The following TBC1D10B variants were observed in gnomAD, a reference collection of about 807,000 sequenced individuals.
TBC1D10B encodes Rab27A-GAPbeta.
TBC1D10B carries 25 observed loss-of-function variants against 78.4 expected under a neutral mutation model. The observed-to-expected ratio is 0.32, with a 90% CI of 0.23 to 0.45. TBC1D10B has a LOEUF of 0.45. Ranked by LOEUF, TBC1D10B falls within the 20% of genes least tolerant of loss-of-function variation. The pLI, the probability that TBC1D10B is intolerant of heterozygous loss-of-function variation, is 1.00. For synonymous variants in TBC1D10B, 517 were observed against 478.0 expected (o/e 1.08, Z -1.06); for missense variants, 996 against 1,104.8 (o/e 0.90, Z 1.40).
rs1300867082 is a variant in TBC1D10B at position 30,357,909 on chromosome 16, G to C, written c.*35C>G. On this transcript the variant is annotated 3_prime_UTR_variant, in exon 9 of 9. Coordinates refer to ENST00000409939, the MANE Select transcript of TBC1D10B (RefSeq NM_015527.4). Reference sequence around the variant, plus strand: ...CAGGCCTGTTCTTGGCTGAGGGAAAGAGGGGGGCCATGCAGTCCAGCCCCA... The same window carrying C: ...CAGGCCTGTTCTTGGCTGAGGGAAACAGGGGGGCCATGCAGTCCAGCCCCA... The C allele has an allele frequency of 6.5e-7, 1 of 1,531,356 alleles. No homozygotes were observed. The highest frequency in any genetic ancestry group is 8.8e-7 in the Non-Finnish European group (1 of 1,137,026). 94.9% of individuals were successfully genotyped at this position (1,531,356 alleles called of 1,614,324 possible). A position where few individuals can be genotyped will look rare whatever the true frequency, so the allele number is the denominator to read the frequency against.
In TBC1D10B at chr16:30,365,893, C is replaced by T. The variant is rs537608407; in HGVS notation, c.957-299G>A. 400 of 353,950 alleles carry T rather than the reference C, an allele frequency of 1.1e-3. 1 individual carries two copies. Among genetic ancestry groups the T allele is most frequent in the Admixed American group, 2.4e-3 (60 of 25,382 alleles). 21.9% of individuals were successfully genotyped at this position (353,950 alleles called of 1,614,324 possible). ...TTTGCATTAGATCTGGATCCACGTC[C>T]TAGCTTTACCATTTATTCATTGTGT... On this transcript the variant is annotated intron_variant, in intron 1 of 8. Coordinates refer to ENST00000409939, the MANE Select transcript of TBC1D10B (RefSeq NM_015527.4). The surrounding 1 kb of genome is among the most constrained non-coding windows in gnomAD (Gnocchi z 5.0).
Position 30,358,791 on chromosome 16 carries a change from G to A in TBC1D10B, c.1669C>T (p.Leu557=), listed in dbSNP as rs2049578578. The change falls in exon 8 of 9, where the codon CTG becomes TTG. Residue 557 remains leucine (L), a synonymous_variant. Coordinates refer to ENST00000409939, the MANE Select transcript of TBC1D10B (RefSeq NM_015527.4). ...EGVKIIFRVA[L]VLLRHTLGSV... is the part of the protein sequence containing the mutation. ...CCCAGCGTGTGGCGCAGCAGGACCAGGGCCACCCGGAAGATGATCTTAACG... is the reference window on the plus strand; with the variant it reads ...CCCAGCGTGTGGCGCAGCAGGACCAAGGCCACCCGGAAGATGATCTTAACG... 1 of 1,609,116 alleles carries A rather than the reference G, an allele frequency of 6.2e-7. No homozygotes were observed. The highest frequency in any genetic ancestry group is 8.5e-7 in the Non-Finnish European group (1 of 1,178,090).
rs1221317433 is a variant in TBC1D10B at position 30,370,321 on chromosome 16, G to A, written c.-138C>T. ...GGCGCGCGCCGGGGGCGGAGCGGCC[G>A]CTGGGCGCGCAGAGGCGGGGCAGGG... On this transcript the variant is annotated 5_prime_UTR_variant, in exon 1 of 9. Transcript: ENST00000409939. 3 of 295,438 alleles carry A rather than the reference G, an allele frequency of 1.0e-5. No individual in the cohort carries two copies. Among genetic ancestry groups the A allele is most frequent in the Non-Finnish European group, 1.6e-5 (3 of 188,990 alleles). The allele number at this position is 295,438 out of a possible 1,614,324, so 18.3% of individuals were successfully genotyped here.
At chr16:30,364,382 A>G (rs2049620505) in intron 4 of TBC1D10B, among the ~76,000 whole-genome samples, 1 of 152,004 alleles carries the variant, frequency 6.6e-6, no homozygotes, top group Non-Finnish European at 1.5e-5. Flanking sequence ...CAGAGGTTGC[A>G]GTGGGCTGAG....
rs1280042539 is a variant in TBC1D10B, at chr16:30,365,202, C to T, written c.1067G>A (p.Arg356His). 3 of 1,613,868 alleles carry T rather than the reference C, an allele frequency of 1.9e-6. No homozygotes were observed. Among genetic ancestry groups the T allele is most frequent in the Non-Finnish European group, 2.5e-6 (3 of 1,179,830 alleles). The change falls in exon 3 of 9, where the codon CGC becomes CAC. Residue 356 changes from arginine (R) to histidine (H), a missense_variant. Arg to His is a conservative substitution (Grantham distance 29). Transcript: ENST00000409939. The surrounding 1 kb of genome is among the most constrained non-coding windows in gnomAD (Gnocchi z 5.0). Reference protein sequence around the residue: ...LSRRFQKVKLRCRKGIPSSLR... With the variant: ...LSRRFQKVKLHCRKGIPSSLR... ...AGAGGAGGGGATCCCCTTCCGGCAG[C>T]GCAGCTTCACCTAAGGCAAAGTGGC... is the stretch of plus-strand genomic sequence containing the variant.
At position 30,369,931 on chromosome 16, in the gene TBC1D10B, T is replaced by A; in HGVS notation, c.253A>T (p.Thr85Ser). Residue 85 changes from threonine (T) to serine (S), a missense_variant, in exon 1 of 9, where the codon ACG (threonine) becomes TCG (serine). Physicochemically the swap from Thr to Ser is moderately conservative, Grantham distance 58. Transcript: ENST00000409939. The surrounding 1 kb of genome is among the most constrained non-coding windows in gnomAD (Gnocchi z 4.3). ...APAPAPAPAV[T>S]GSTVVVLTLE... ...GTCAGCACCACCACCGTGCTGCCCG[T>A]GACAGCCGGGGCTGGGGCCGGGGCT... 1 of 1,303,844 alleles carries A rather than the reference T, an allele frequency of 7.7e-7. No homozygotes were observed. The highest frequency in any genetic ancestry group is 9.7e-7 in the Non-Finnish European group (1 of 1,028,150). 80.8% of individuals were successfully genotyped at this position (1,303,844 alleles called of 1,614,324 possible).
rs759182670 is a variant in TBC1D10B at position 30,359,294 on chromosome 16, C to T, written c.1520G>A (p.Arg507His). Residue 507 changes from arginine to histidine, a missense_variant, in exon 7 of 9, where the codon CGC becomes CAC. Around this residue, in one of 5 missense-constraint regions of TBC1D10B, gnomAD observed 168 missense variants for 238.7 expected, o/e 0.70. Coordinates refer to ENST00000409939, the MANE Select transcript of TBC1D10B (RefSeq NM_015527.4). ...LLRRASPLAH[R>H]HLRRQRIDPV... ...GTCAATGCGCTGCCGCCGCAGGTGG[C>T]GATGCGCCAGCGGGGAGGCCCGGCG... The T allele has an allele frequency of 8.1e-6, 13 of 1,605,658 alleles. No individual in the cohort carries two copies. Among genetic ancestry groups the T allele is most frequent in the Middle Eastern group, 3.3e-4 (2 of 6,054 alleles).
rs2049569498 is a variant in TBC1D10B at position 30,358,175 on chromosome 16, C to T, written c.2196G>A (p.Glu732=). Residue 732 remains glutamate (E), a synonymous_variant, in exon 9 of 9, where the codon GAG becomes GAA. Coordinates refer to ENST00000409939, the MANE Select transcript of TBC1D10B (RefSeq NM_015527.4). The part of the protein sequence containing the change: ...RKQEKERQKQ[E]KERQKQEKER... ...CCTTCTCCTGTTTCTGCCGCTCCTT[C>T]TCCTGTTTCTGCCGCTCCTTCTCCT... The T allele has an allele frequency of 6.4e-6, 10 of 1,551,934 alleles. No individual in the cohort carries two copies. In the South Asian group the frequency reaches 1.1e-4, roughly 17 times the overall value.
At position 30,358,445 on chromosome 16, in the gene TBC1D10B, G is replaced by C. The variant is rs779953424; in HGVS notation, c.1926C>G (p.Ile642Met). ...PSRRLHGSRA[I>M]HEERRRQQPP... ...GCTGTTGCCGCCGGCGCTCCTCGTGGATGGCCCGGGACCCATGCAGTCGCC... is the reference window on the plus strand; with the variant it reads ...GCTGTTGCCGCCGGCGCTCCTCGTGCATGGCCCGGGACCCATGCAGTCGCC... The change falls in exon 9 of 9, where the codon ATC becomes ATG. Residue 642 changes from isoleucine to methionine, a missense_variant. This residue lies in a region of TBC1D10B where 285 missense variants were observed against 252.5 expected (regional missense o/e 1.13). Transcript: ENST00000409939. 1.4e-5 allele frequency: 23 copies of C among 1,589,638 alleles called. 1 individual carries two copies. The South Asian group carries it at 2.5e-4, about 17-fold the overall frequency.
rs929136900 is a variant in TBC1D10B, at chr16:30,357,839, A to G, written c.*105T>C. The G allele has an allele frequency of 3.5e-6, 5 of 1,426,886 alleles. No individual in the cohort carries two copies. The highest frequency in any genetic ancestry group is 2.7e-5 in the Admixed American group (1 of 36,692). 88.4% of individuals were successfully genotyped at this position (1,426,886 alleles called of 1,614,324 possible). A position where few individuals can be genotyped will look rare whatever the true frequency, so the allele number is the denominator to read the frequency against. Reference sequence around the variant, plus strand: ...GATGGGGAACCAAGCCACTTTCCCCAGCAAGGGACAGCCTGACAAGGTGCT... The same window carrying G: ...GATGGGGAACCAAGCCACTTTCCCCGGCAAGGGACAGCCTGACAAGGTGCT... On this transcript the variant is annotated 3_prime_UTR_variant, in exon 9 of 9. Coordinates refer to ENST00000409939, the MANE Select transcript of TBC1D10B (RefSeq NM_015527.4).
Position 30,365,848 on chromosome 16 carries a change from G to A in TBC1D10B, c.957-254C>T, listed in dbSNP as rs2049631656. 4.4e-6 allele frequency: 2 copies of A among 458,826 alleles called. No individual in the cohort carries two copies. The highest frequency in any genetic ancestry group is 8.0e-6 in the Non-Finnish European group (2 of 249,636). 28.4% of individuals were successfully genotyped at this position (458,826 alleles called of 1,614,324 possible). On this transcript the variant is annotated intron_variant, in intron 1 of 8. Coordinates refer to ENST00000409939, the MANE Select transcript of TBC1D10B (RefSeq NM_015527.4). The surrounding 1 kb of genome is among the most constrained non-coding windows in gnomAD (Gnocchi z 5.0). ...ACATCCAAATCTGGGGAGAGAGTATGGAGTATTTTAAAGCCACATTTTGCA... is the reference window on the plus strand; with the variant it reads ...ACATCCAAATCTGGGGAGAGAGTATAGAGTATTTTAAAGCCACATTTTGCA...
In TBC1D10B at chr16:30,358,029, A is replaced by G. The variant is rs139530748; in HGVS notation, c.2342T>C (p.Leu781Pro). 334 of 1,551,800 alleles carry G rather than the reference A, an allele frequency of 2.2e-4. No individual in the cohort carries two copies. The highest frequency in any genetic ancestry group is 3.3e-4 in the Admixed American group (17 of 51,012). ...TGGGGGCCCATCTGCCTTTCGACGCAGCGAAAGCTTCCGGCCTTGAGCCTT... is the reference window on the plus strand; with the variant it reads ...TGGGGGCCCATCTGCCTTTCGACGCGGCGAAAGCTTCCGGCCTTGAGCCTT... Reference protein sequence around the residue: ...EKKAQGRKLSLRRKADGPPGP... With the variant: ...EKKAQGRKLSPRRKADGPPGP... The change falls in exon 9 of 9, where the codon CTG (leucine) becomes CCG (proline). Residue 781 changes from leucine to proline, a missense_variant. Leu to Pro is a moderately conservative substitution (Grantham distance 98). Around this residue, in one of 5 missense-constraint regions of TBC1D10B, gnomAD observed 285 missense variants for 252.5 expected, o/e 1.13. Coordinates refer to ENST00000409939, the MANE Select transcript of TBC1D10B (RefSeq NM_015527.4).
Position 30,357,682 on chromosome 16 carries a change from G to C in TBC1D10B, c.*262C>G. The C allele has an allele frequency of 1.7e-6, 1 of 585,608 alleles. No individual in the cohort carries two copies. Among genetic ancestry groups the C allele is most frequent in the Admixed American group, 3.0e-5 (1 of 33,150 alleles). The allele number at this position is 585,608 out of a possible 1,614,324, so 36.3% of individuals were successfully genotyped here. A position where few individuals can be genotyped will look rare whatever the true frequency, so the allele number is the denominator to read the frequency against. On this transcript the variant is annotated 3_prime_UTR_variant, in exon 9 of 9. Transcript: ENST00000409939. ...ACGGGCCATTCAGGACAGCACCTAG[G>C]AGGGGACCCAGAGGGAACTGGGGCA...
At chr16:30,360,594 A>C (rs1345052008) in intron 4 of TBC1D10B, among the ~76,000 whole-genome samples, 2 of 152,214 alleles carry the variant, frequency 1.3e-5, no homozygotes, top group Non-Finnish European at 2.9e-5. Context: ...CCAAAACTCC[A>C]GGCATTCAAG....
chr16:30,365,406 C>A lies in TBC1D10B; in HGVS notation c.1056+89G>T. The A allele has an allele frequency of 6.7e-7, 1 of 1,483,216 alleles. No homozygotes were observed. Among genetic ancestry groups the A allele is most frequent in the Non-Finnish European group, 9.4e-7 (1 of 1,061,696 alleles). The allele number at this position is 1,483,216 out of a possible 1,614,324, so 91.9% of individuals were successfully genotyped here. ...TCTATCCCCAGTGTGGTCCAGAGGG[C>A]AGATATTATCGGCTTCCTGGGCTTC... is the stretch of plus-strand genomic sequence containing the variant. On this transcript the variant is annotated intron_variant, in intron 2 of 8. Transcript: ENST00000409939. The surrounding 1 kb of genome is among the most constrained non-coding windows in gnomAD (Gnocchi z 5.0).
Position 30,365,803 on chromosome 16 carries a change from A to G in TBC1D10B, c.957-209T>C, listed in dbSNP as rs2049631484. ...TGATGGATCTCTATTCAGAGGTCAT[A>G]TTTAAATCTCACTTCTGACACATCC... On this transcript the variant is annotated intron_variant, in intron 1 of 8. Coordinates refer to ENST00000409939, the MANE Select transcript of TBC1D10B (RefSeq NM_015527.4). This position sits in a 1 kb window ranked among gnomAD's most constrained non-coding sequence, Gnocchi z 5.0. 2.9e-5 allele frequency: 16 copies of G among 554,496 alleles called. No individual in the cohort carries two copies. In the South Asian group the frequency reaches 3.3e-4, roughly 11 times the overall value. The allele number at this position is 554,496 out of a possible 1,614,324, so 34.3% of individuals were successfully genotyped here.
chr16:30,359,950 T>C, intron 4 of TBC1D10B, 109 bp from the exon 5 acceptor site: 5 of 974,196 alleles, frequency 5.1e-6, no homozygotes, highest in Non-Finnish European at 7.6e-6. Flanking sequence ...TCCATCCACC[T>C]GCCCAGTCCT....
In TBC1D10B at chr16:30,358,006, G is replaced by A. The variant is rs755521987; in HGVS notation, c.2365C>T (p.Pro789Ser). Residue 789 changes from proline (P) to serine (S), a missense_variant, in exon 9 of 9, where the codon CCA becomes TCA. This residue lies in a region of TBC1D10B where 285 missense variants were observed against 252.5 expected (regional missense o/e 1.13). Coordinates refer to ENST00000409939, the MANE Select transcript of TBC1D10B (RefSeq NM_015527.4). ...LSLRRKADGP[P>S]GPHDGGDRPS... ...CTGTCCCCACCATCATGGGGGCCTG[G>A]GGGCCCATCTGCCTTTCGACGCAGC... is the stretch of plus-strand genomic sequence containing the variant. 3 of 1,551,826 alleles carry A rather than the reference G, an allele frequency of 1.9e-6. No homozygotes were observed. The highest frequency in any genetic ancestry group is 1.2e-5 in the South Asian group (1 of 84,066).
rs557914952 is a variant in TBC1D10B, at chr16:30,364,910, C to G, written c.1261G>C (p.Gly421Arg). 2 of 1,610,372 alleles carry G rather than the reference C, an allele frequency of 1.2e-6. No homozygotes were observed. The highest frequency in any genetic ancestry group is 2.7e-5 in the African/African-American group (2 of 74,798). Residue 421 changes from glycine (G) to arginine (R), a missense_variant, in exon 4 of 9, where the codon GGG becomes CGG. Coordinates refer to ENST00000409939, the MANE Select transcript of TBC1D10B (RefSeq NM_015527.4). Reference sequence around the variant, plus strand: ...GTCCGGCCACCTTACCCATGCCCCCCTCGAGCAGCAAACATCTCGTGGAAA... The same window carrying G: ...GTCCGGCCACCTTACCCATGCCCCCGTCGAGCAGCAAACATCTCGTGGAAA... ...FPFHEMFAAR[G>R]GHGQQDLYRI...
Sources: allele counts gnomAD v4.1 joint callset (sites outside exome capture counted in the v4.1 genomes callset), GRCh38; gene constraint gnomAD v4.1.1; regional missense constraint gnomAD v4.1.1; non-coding constraint Gnocchi (gnomAD v3.1); transcripts MANE v1.5; gene names NCBI Gene and HGNC (gene_info 2026-07-23, HGNC 2026-07-21).